Variants in RBFOX1 observed in about 807,000 individuals in gnomAD.
RBFOX1 encodes the protein RNA binding protein fox-1 homolog 1.
In RBFOX1, 8 loss-of-function variants were observed where a neutral mutation model predicts 57.7. The ratio of observed to expected loss-of-function variants is 0.14; its 90% CI spans 0.08 to 0.25. The LOEUF is 0.25. RBFOX1 is among the 10% of genes least tolerant of loss of function. The probability of loss-of-function intolerance (pLI) is 1.00; values close to 1 mark genes in which losing one functional copy is unlikely to be tolerated. For synonymous variants in RBFOX1, 326 were observed against 222.4 expected (o/e 1.47, Z -4.15); for missense variants, 611 against 548.5 (o/e 1.11, Z -1.14).
chr16:7,388,878 T>C (rs898297084), intron 4 of RBFOX1, among the ~76,000 whole-genome samples: 1 of 152,098 alleles, frequency 6.6e-6, no homozygotes, highest in Non-Finnish European at 1.5e-5. Flanking sequence ...GAATGCAATT[T>C]TGATAGAATA....
chr16:6,949,655 C>T (rs886730321), intron 3 of RBFOX1, among the ~76,000 whole-genome samples: 1 of 152,060 alleles, frequency 6.6e-6, no homozygotes, highest in Non-Finnish European at 1.5e-5. Flanking sequence ...TGGATTAAAT[C>T]CCCAACCTTA....
intron 5 of RBFOX1, among the ~76,000 whole-genome samples, chr16:7,532,931 A>G (rs1171279461): frequency 6.6e-6 from 1 of 152,376 alleles, no homozygotes; most frequent in East Asian, 1.9e-4. Flanking sequence ...GCATTCAGGC[A>G]TCGGGCCATT....
chr16:6,237,503 G>A (rs1424474595), intron 1 of RBFOX1, among the ~76,000 whole-genome samples: 1 of 152,144 alleles, frequency 6.6e-6, no homozygotes, highest in East Asian at 1.9e-4. Context: ...TGCCTTATTG[G>A]GAGGCCAACA....
At chr16:6,931,135 A>C (rs2076436655) in intron 3 of RBFOX1, among the ~76,000 whole-genome samples, 1 of 152,266 alleles carries the variant, frequency 6.6e-6, no homozygotes, top group Non-Finnish European at 1.5e-5. Flanking sequence ...TTGTAGTTTT[A>C]AGAAAAATTC....
chr16:6,431,462 G>A lies in RBFOX1; in HGVS notation c.-64+114405G>A, dbSNP rs960719122. Among the ~76,000 whole-genome samples the A allele has an allele frequency of 4.6e-5, 7 of 152,180 alleles. No individual in the cohort carries two copies. The East Asian group carries it at 1.2e-3, about 25-fold the overall frequency. On this transcript the variant is annotated intron_variant, in intron 2 of 15. Transcript: ENST00000550418. ...ACTACCTAAGCCCAGGAAGCGTCAC[G>A]TGGTACTTCTCAACAGGCAGACCAG...
At chr16:6,761,749 C>T (rs9939270) in intron 3 of RBFOX1, among the ~76,000 whole-genome samples, 6,834 of 151,862 alleles carry the variant, frequency 0.045, 274 homozygotes, top group African/African-American at 0.11. Context: ...TTGTGATCCA[C>T]CTGCCTCGGC....
At chr16:5,722,493 C>A (rs2151537127) in intron 3 of RBFOX1, among the ~76,000 whole-genome samples, 1 of 152,288 alleles carries the variant, frequency 6.6e-6, no homozygotes, top group Middle Eastern at 3.4e-3. Flanking sequence ...GATCATCTAT[C>A]CCCGTGTCCA....
intron 3 of RBFOX1, among the ~76,000 whole-genome samples, chr16:6,957,048 G>T (rs1012042833): frequency 4.3e-5 from 6 of 139,752 alleles, no homozygotes; most frequent in Admixed American, 4.1e-4. Context: ...TATTCCATCG[G>T]CAGAGCAGCC....
At chr16:7,167,088 C>G (rs555023854) in intron 4 of RBFOX1, among the ~76,000 whole-genome samples, 2 of 145,972 alleles carry the variant, frequency 1.4e-5, no homozygotes, top group African/African-American at 2.6e-5. Context: ...TGGGTTCAAG[C>G]GATTCTCCTG....
At chr16:6,117,677 T>C (rs78831335) in intron 1 of RBFOX1, among the ~76,000 whole-genome samples, 5,628 of 152,376 alleles carry the variant, frequency 0.037, 289 homozygotes, top group East Asian at 0.24. Flanking sequence ...GGTCTTGAAC[T>C]TCCCAGCCTC....
At chr16:7,189,479 G>A (rs111706001) in intron 4 of RBFOX1, among the ~76,000 whole-genome samples, 1,476 of 127,538 alleles carry the variant, frequency 0.012, 54 homozygotes, top group African/African-American at 0.047. Flanking sequence ...TCCTCATAGG[G>A]AGACCCACAC....
chr16:7,248,741 G>A (rs548807677), intron 4 of RBFOX1, among the ~76,000 whole-genome samples: 4 of 152,250 alleles, frequency 2.6e-5, no homozygotes, highest in South Asian at 2.1e-4. Flanking sequence ...ATGTGAATTA[G>A]CATTATCATT....
At chr16:5,855,138 A>T (rs1248687227) in intron 3 of RBFOX1, among the ~76,000 whole-genome samples, 1 of 152,016 alleles carries the variant, frequency 6.6e-6, no homozygotes, top group South Asian at 2.1e-4. Context: ...CCCTTATTAG[A>T]TATATAGTTT....
intron 3 of RBFOX1, among the ~76,000 whole-genome samples, chr16:6,967,473 G>C (rs1470269171): frequency 4.6e-5 from 7 of 152,138 alleles, no homozygotes; most frequent in Non-Finnish European, 8.8e-5. Context: ...GCAGTGGATA[G>C]GATAGGAGCA....
At chr16:5,596,836 C>G (rs1314027565) in intron 2 of RBFOX1, among the ~76,000 whole-genome samples, 3 of 152,198 alleles carry the variant, frequency 2.0e-5, no homozygotes, top group Admixed American at 6.5e-5. Flanking sequence ...CCCATTCAGG[C>G]TACTACTTTA....
chr16:6,336,053 G>A (rs1205531541), intron 2 of RBFOX1, among the ~76,000 whole-genome samples: 4 of 147,356 alleles, frequency 2.7e-5, no homozygotes, highest in South Asian at 2.2e-4. Context: ...GACTCTGTGA[G>A]CCTTGGTTTC....
intron 4 of RBFOX1, among the ~76,000 whole-genome samples, chr16:5,948,012 A>G (rs2059438799): frequency 6.6e-6 from 1 of 152,182 alleles, no homozygotes; most frequent in Non-Finnish European, 1.5e-5. Flanking sequence ...ATACATTTTC[A>G]TGGCAGGAAC....
intron 5 of RBFOX1, among the ~76,000 whole-genome samples, chr16:7,536,854 T>A (rs2081592580): frequency 6.6e-6 from 1 of 152,204 alleles, no homozygotes; most frequent in South Asian, 2.1e-4. Flanking sequence ...TTCTGTCTGC[T>A]TTTCTGGAGA....
intron 4 of RBFOX1, among the ~76,000 whole-genome samples, chr16:5,951,863 T>C (rs1035133909): frequency 6.6e-6 from 1 of 152,074 alleles, no homozygotes; most frequent in African/African-American, 2.4e-5. Context: ...CGTGTGTGTG[T>C]GTATATATGT....
Sources: gnomAD v4.1 joint callset for allele counts (sites outside exome capture counted in the v4.1 genomes callset) on GRCh38, gnomAD v4.1.1 for gene constraint, MANE v1.5 for transcripts, NCBI Gene and HGNC (gene_info 2026-07-23, HGNC 2026-07-21) for gene names.